The following EPB41L3 variants were observed in gnomAD, a reference collection of about 807,000 sequenced individuals.
EPB41L3 encodes erythrocyte membrane protein band 4.1 like 3.
In EPB41L3, 57 loss-of-function variants were observed where a neutral mutation model predicts 127.1. The observed-to-expected ratio is 0.45, with a 90% CI of 0.36 to 0.56. The LOEUF (loss-of-function observed/expected upper bound fraction) is 0.56. EPB41L3 is among the 20% of genes least tolerant of loss of function. The probability of loss-of-function intolerance (pLI) is 0.00; values close to 1 mark genes in which losing one functional copy is unlikely to be tolerated. For missense variants in EPB41L3, 1,273 were observed against 1,372.2 expected (o/e 0.93, Z 1.14); for synonymous variants, 572 against 549.5 (o/e 1.04, Z -0.57).
chr18:5,617,559 C>G (rs1422676338), intron 1 of EPB41L3, among the ~76,000 whole-genome samples: 10 of 152,172 alleles, frequency 6.6e-5, no homozygotes, highest in Admixed American at 6.5e-4. Context: ...ACCTCGCGAT[C>G]CGCCCGCCTC....
chr18:5,419,602 A>T, intron 12 of EPB41L3, 109 bp downstream of exon 12: 1 of 1,431,444 alleles, frequency 7.0e-7, no homozygotes, highest in Admixed American at 1.9e-5. Context: ...ACCAGTGCTG[A>T]CATATGATTT....
Position 5,397,307 on chromosome 18 carries a change from C to T in EPB41L3, c.2592G>A (p.Val864=). 1.2e-6 allele frequency: 2 copies of T among 1,614,048 alleles called. No individual in the cohort carries two copies. The highest frequency in any genetic ancestry group is 1.7e-6 in the Non-Finnish European group (2 of 1,180,050). Residue 864 remains valine (V), a synonymous_variant, in exon 18 of 23, where the codon GTG becomes GTA. Transcript: ENST00000341928. This position sits in a 1 kb window ranked among gnomAD's most constrained non-coding sequence, Gnocchi z 4.1. ...AGTAAGAAGCATCCCCACTCGCGTG[C>T]ACCACACGCCGCTCCTCCACCAACA... The part of the protein sequence containing the change: ...ETVLVEERRV[V]HASGDASYSA...
At position 5,407,735 on chromosome 18, in the gene EPB41L3, G is replaced by C; in HGVS notation, c.2123C>G (p.Ser708Trp). The C allele has an allele frequency of 6.2e-7, 1 of 1,613,746 alleles. No homozygotes were observed. Among genetic ancestry groups the C allele is most frequent in the Non-Finnish European group, 8.5e-7 (1 of 1,179,812 alleles). The change falls in exon 15 of 23, where the codon TCG (serine) becomes TGG (tryptophan). Residue 708 changes from serine to tryptophan, a missense_variant and splice_region_variant. Around this residue, in one of 3 missense-constraint regions of EPB41L3, gnomAD observed 765 missense variants for 782.9 expected, o/e 0.98. Coordinates refer to ENST00000341928, the MANE Select transcript of EPB41L3 (RefSeq NM_012307.5). ...GAGCTCTGCATCTTCCTCCTGGTCCGACTGCCAGCATCAAGAAAGAGTGGG... is the reference window on the plus strand; with the variant it reads ...GAGCTCTGCATCTTCCTCCTGGTCCCACTGCCAGCATCAAGAAAGAGTGGG... ...AADGETTATE[S>W]DQEEDAELKA...
chr18:5,578,389 T>C (rs1445656426), intron 3 of EPB41L3, among the ~76,000 whole-genome samples: 4 of 152,210 alleles, frequency 2.6e-5, no homozygotes, highest in South Asian at 2.1e-4. Context: ...GAATTCTTCT[T>C]TAATGCATGA....
chr18:5,605,200 C>T (rs2094636989), intron 3 of EPB41L3, among the ~76,000 whole-genome samples: 1 of 152,116 alleles, frequency 6.6e-6, no homozygotes, highest in African/African-American at 2.4e-5. Flanking sequence ...CTACAACCAG[C>T]CCAACTTCTC....
At chr18:5,520,908 T>C (rs1305025501) in intron 1 of EPB41L3, among the ~76,000 whole-genome samples, 1 of 152,194 alleles carries the variant, frequency 6.6e-6, no homozygotes, top group East Asian at 1.9e-4. Flanking sequence ...GAGTAAATAT[T>C]TGCCAAAACA....
intron 2 of EPB41L3, among the ~76,000 whole-genome samples, chr18:5,486,649 T>A (rs1048847229): frequency 9.2e-5 from 14 of 152,002 alleles, no homozygotes; most frequent in African/African-American, 2.9e-4. Flanking sequence ...GAAATGAGAT[T>A]TAAAAATTGA....
intron 22 of EPB41L3, 98 bp downstream of exon 22, chr18:5,394,579 G>A (rs1013287689): frequency 4.1e-5 from 35 of 857,600 alleles, no homozygotes; most frequent in Non-Finnish European, 3.4e-5. Context: ...GCCAGTGAGA[G>A]AACAGAGGAA....
intron 3 of EPB41L3, among the ~76,000 whole-genome samples, chr18:5,550,667 GCTT>G (rs1239315886): frequency 4.6e-5 from 7 of 152,140 alleles, no homozygotes; most frequent in South Asian, 4.1e-4. Context: ...GCCCCAGAAG[GCTT>G]CTTCTATCAG....
At chr18:5,449,751 T>C (rs1599082845) in intron 3 of EPB41L3, among the ~76,000 whole-genome samples, 1 of 152,168 alleles carries the variant, frequency 6.6e-6, no homozygotes, top group East Asian at 1.9e-4. Flanking sequence ...TCCAACGACA[T>C]CAGTCTCCCA....
At chr18:5,468,410 T>C (rs1311796035) in intron 3 of EPB41L3, among the ~76,000 whole-genome samples, 1 of 152,124 alleles carries the variant, frequency 6.6e-6, no homozygotes, top group Non-Finnish European at 1.5e-5. Context: ...TTACGGTGCT[T>C]TTTCCAGGCC....
chr18:5,629,679 G>C (rs952756388), upstream of EPB41L3, among the ~76,000 whole-genome samples: 5 of 152,142 alleles, frequency 3.3e-5, no homozygotes, highest in South Asian at 2.1e-4. Context: ...CGAGCTGCAG[G>C]GGGGCGGGGA....
intron 1 of EPB41L3, among the ~76,000 whole-genome samples, chr18:5,512,197 A>G (rs1022984820): frequency 6.6e-6 from 1 of 152,212 alleles, no homozygotes; most frequent in Non-Finnish European, 1.5e-5. Context: ...CAAAAACCTT[A>G]TAATTTAGAG....
At chr18:5,486,146 T>A (rs1253595100) in intron 2 of EPB41L3, among the ~76,000 whole-genome samples, 1 of 151,964 alleles carries the variant, frequency 6.6e-6, no homozygotes, top group East Asian at 1.9e-4. Flanking sequence ...AATAGATACA[T>A]AAACCAATGG....
chr18:5,415,079 T>C (rs11081191), intron 13 of EPB41L3, among the ~76,000 whole-genome samples: 93,446 of 152,228 alleles, frequency 0.61, 33,124 homozygotes, highest in East Asian at 0.88. Flanking sequence ...ATTGCTAGCA[T>C]GGTGAAATTT....
chr18:5,450,211 G>A (rs1423805770), intron 3 of EPB41L3, among the ~76,000 whole-genome samples: 1 of 152,138 alleles, frequency 6.6e-6, no homozygotes, highest in East Asian at 1.9e-4. Context: ...CGGCTAACAG[G>A]GGATGTGGGG....
At chr18:5,419,482 C>T (rs1050903481) in intron 12 of EPB41L3, among the ~76,000 whole-genome samples, 2 of 152,176 alleles carry the variant, frequency 1.3e-5, no homozygotes, top group African/African-American at 4.8e-5. Flanking sequence ...GAAAGTCTTA[C>T]ATAGCACACA....
chr18:5,586,669 T>C (rs2094445207), intron 3 of EPB41L3, among the ~76,000 whole-genome samples: 1 of 151,916 alleles, frequency 6.6e-6, no homozygotes, highest in South Asian at 2.1e-4. Flanking sequence ...CCTGAATTGC[T>C]GGGACTACAG....
intron 1 of EPB41L3, among the ~76,000 whole-genome samples, chr18:5,518,808 T>C (rs1425005892): frequency 3.3e-5 from 5 of 152,182 alleles, no homozygotes; most frequent in African/African-American, 1.2e-4. Flanking sequence ...AGACTCTCGC[T>C]GCTTAAGAAT....
Sources: gnomAD v4.1 joint callset for allele counts (sites outside exome capture counted in the v4.1 genomes callset) on GRCh38, gnomAD v4.1.1 for gene constraint, gnomAD v4.1.1 regional missense constraint, Gnocchi (gnomAD v3.1) non-coding constraint, MANE v1.5 for transcripts, NCBI Gene and HGNC (gene_info 2026-07-23, HGNC 2026-07-21) for gene names.